Variants in CAMK2G observed in about 807,000 individuals in gnomAD.
CAMK2G encodes calcium/calmodulin-dependent protein kinase type II subunit gamma.
Under a neutral mutation model 88.7 loss-of-function variants are expected in CAMK2G, and 23 were observed. The observed-to-expected ratio is 0.26, with a 90% CI of 0.19 to 0.37. The LOEUF (loss-of-function observed/expected upper bound fraction) is 0.37, where lower values mean the gene tolerates loss of function less well. CAMK2G is among the 10% of genes least tolerant of loss of function. CAMK2G has a pLI of 1.00. For missense variants in CAMK2G, 476 were observed against 780.8 expected (o/e 0.61, Z 4.65); for synonymous variants, 263 against 294.8 (o/e 0.89, Z 1.11).
At chr10:73,816,155 A>G in intron 21 of CAMK2G, 2 of 985,684 alleles carry the variant, frequency 2.0e-6, no homozygotes, top group Non-Finnish European at 2.4e-6. Context: ...TAGAGCAGAG[A>G]GAAAGATGGG....
chr10:73,870,236 G>C (rs2095773092), intron 2 of CAMK2G, among the ~76,000 whole-genome samples: 2 of 152,138 alleles, frequency 1.3e-5, no homozygotes, highest in Admixed American at 6.5e-5. Flanking sequence ...GCCTCCTTCG[G>C]CCTAGTGGAG....
At chr10:73,871,185 G>A (rs1051201420) in intron 2 of CAMK2G, among the ~76,000 whole-genome samples, 2 of 151,840 alleles carry the variant, frequency 1.3e-5, no homozygotes, top group African/African-American at 2.4e-5. Flanking sequence ...AAAAATCAAC[G>A]AGAAATCAAG....
intron 3 of CAMK2G, among the ~76,000 whole-genome samples, chr10:73,860,247 C>A (rs547680941): frequency 6.6e-6 from 1 of 152,310 alleles, no homozygotes; most frequent in South Asian, 2.1e-4. Flanking sequence ...GTGCTCTTGT[C>A]CCCCCAGTCA....
chr10:73,844,919 T>C (rs1488706298), intron 10 of CAMK2G, among the ~76,000 whole-genome samples: 1 of 152,210 alleles, frequency 6.6e-6, no homozygotes, highest in Non-Finnish European at 1.5e-5. Flanking sequence ...CTCTTCTGCA[T>C]CTGATTCCTG....
chr10:73,829,266 T>TTTTATTTATTTA lies in CAMK2G; in HGVS notation c.1054-1157_1054-1146dup, dbSNP rs55861420. Among the ~76,000 whole-genome samples, 956 of 141,024 alleles carry TTTTATTTATTTA rather than the reference T, an allele frequency of 6.8e-3. 8 individuals are homozygous for TTTTATTTATTTA. The highest frequency in any genetic ancestry group is 0.021 in the East Asian group (99 of 4,762). 92.5% of individuals were successfully genotyped at this position (141,024 alleles called of 152,430 possible). ...TAGTTAGGCCTCTTTTACATTGGCC[T>TTTTATTTATTTA]TTTATTTATTTATTTATTTATTTAT... On this transcript the variant is annotated intron_variant, in intron 14 of 22. Coordinates refer to ENST00000423381, the MANE Select transcript of CAMK2G (RefSeq NM_001367534.1).
At chr10:73,843,178 C>G (rs973083919) in intron 10 of CAMK2G, among the ~76,000 whole-genome samples, 2 of 151,674 alleles carry the variant, frequency 1.3e-5, no homozygotes, top group African/African-American at 4.8e-5. Flanking sequence ...GTTCTCCTGT[C>G]TTGGCCTCCC....
At chr10:73,852,406 A>G (rs2094696816) in intron 4 of CAMK2G, 87 bp from the exon 5 acceptor site, 1 of 1,076,934 alleles carries the variant, frequency 9.3e-7, no homozygotes. Context: ...GTCACCCTGT[A>G]GAATGGCTTT....
At chr10:73,846,163 T>C (rs74147575) in intron 10 of CAMK2G, among the ~76,000 whole-genome samples, 1 of 152,326 alleles carries the variant, frequency 6.6e-6, no homozygotes, top group African/African-American at 2.4e-5. Flanking sequence ...TTCCCTATGT[T>C]TTCAGAATAA....
intron 10 of CAMK2G, among the ~76,000 whole-genome samples, chr10:73,845,410 A>G (rs2094156831): frequency 6.6e-6 from 1 of 151,862 alleles, no homozygotes. Context: ...GTGAAACCCC[A>G]TCTCTACTAA....
intron 2 of CAMK2G, among the ~76,000 whole-genome samples, chr10:73,863,192 C>T (rs1022708739): frequency 3.3e-5 from 5 of 152,332 alleles, no homozygotes; most frequent in Admixed American, 1.3e-4. Context: ...CCCAGCTAAT[C>T]CGTCCCAGCT....
At chr10:73,834,517 C>T (rs188315681) in intron 14 of CAMK2G, among the ~76,000 whole-genome samples, 4 of 152,178 alleles carry the variant, frequency 2.6e-5, no homozygotes, top group Admixed American at 6.5e-5. Context: ...CCTCAGGGTT[C>T]CTGGAAGAGC....
Position 73,839,904 on chromosome 10 carries a change from G to C in CAMK2G, c.947-303C>G, listed in dbSNP as rs921797592. On this transcript the variant is annotated intron_variant, in intron 12 of 22. Transcript: ENST00000423381. This position sits in a 1 kb window ranked among gnomAD's most constrained non-coding sequence, Gnocchi z 4.2. ...GGGTCCACAGCGAAATGCCTGAGCC[G>C]GTGAGAGGCAGGTGCCCCTTCTGAG... is the stretch of plus-strand genomic sequence containing the variant. Among the ~76,000 whole-genome samples, 1 of 152,154 alleles carries C rather than the reference G, an allele frequency of 6.6e-6. No individual in the cohort carries two copies. Among genetic ancestry groups the C allele is most frequent in the Admixed American group, 6.5e-5 (1 of 15,290 alleles).
At chr10:73,871,240 G>T (rs376097443) in intron 2 of CAMK2G, among the ~76,000 whole-genome samples, 34 of 152,268 alleles carry the variant, frequency 2.2e-4, no homozygotes, top group African/African-American at 7.5e-4. Context: ...GGGAAAGATG[G>T]GACAAGGTTA....
At chr10:73,828,743 A>G (rs2091770174) in intron 14 of CAMK2G, among the ~76,000 whole-genome samples, 1 of 152,224 alleles carries the variant, frequency 6.6e-6, no homozygotes, top group Non-Finnish European at 1.5e-5. Flanking sequence ...GCATTTTGCA[A>G]TTCGTGGAAA....
At position 73,853,289 on chromosome 10, in the gene CAMK2G, C is replaced by A. The variant is rs572121724; in HGVS notation, c.221-43G>T. ...GGGACAGAGATTAACAGAGAGAAAA[C>A]TTGGAAATCCTAGGCTTCTCCTCAG... On this transcript the variant is annotated intron_variant, in intron 3 of 22. Transcript: ENST00000423381. 9 of 1,576,030 alleles carry A rather than the reference C, an allele frequency of 5.7e-6. No homozygotes were observed. In the South Asian group the frequency reaches 1.0e-4, roughly 17 times the overall value.
intron 3 of CAMK2G, among the ~76,000 whole-genome samples, chr10:73,859,687 G>A (rs2095278769): frequency 6.6e-6 from 1 of 152,224 alleles, no homozygotes; most frequent in Non-Finnish European, 1.5e-5. Flanking sequence ...ACACCAATCT[G>A]CTTCGGGTGT....
intron 22 of CAMK2G, 56 bp downstream of exon 22, chr10:73,814,947 C>G (rs2084934354): frequency 6.4e-6 from 8 of 1,251,340 alleles, no homozygotes; most frequent in Admixed American, 1.9e-5. Context: ...TCTTCTTCCT[C>G]TGACCCCACC....
intron 5 of CAMK2G, 129 bp from the exon 6 acceptor site, chr10:73,849,462 A>C (rs1041263137): frequency 1.1e-4 from 70 of 655,724 alleles, no homozygotes; most frequent in Middle Eastern, 2.5e-4. Context: ...CTTAACGGCC[A>C]CTGGAACCTT....
At chr10:73,820,481 TATATATATA>T (rs2087732431) in intron 18 of CAMK2G, among the ~76,000 whole-genome samples, 3 of 33,620 alleles carry the variant, frequency 8.9e-5, no homozygotes, top group African/African-American at 2.1e-4. Context: ...TATATATATA[TATATATATA>T]TATTTTTTTT....
Sources: allele counts gnomAD v4.1 joint callset (sites outside exome capture counted in the v4.1 genomes callset), GRCh38; gene constraint gnomAD v4.1.1; non-coding constraint Gnocchi (gnomAD v3.1); transcripts MANE v1.5; gene names NCBI Gene and HGNC (gene_info 2026-07-23, HGNC 2026-07-21).